Variants in MKNK1 observed in about 807,000 individuals in gnomAD.
The protein encoded by MKNK1 is MAP kinase-interacting serine/threonine-protein kinase 1.
A neutral mutation model predicts 49.3 loss-of-function variants in MKNK1; 30 were observed. The observed-to-expected ratio is 0.61, with a 90% confidence interval of 0.46 to 0.83. The LOEUF (loss-of-function observed/expected upper bound fraction) is 0.83, where lower values mean the gene tolerates loss of function less well. Ranked by LOEUF, MKNK1 falls within the 40% of genes least tolerant of loss-of-function variation. MKNK1 has a pLI of 0.00. For synonymous variants in MKNK1, 176 were observed against 201.7 expected, an observed-to-expected ratio of 0.87 and a Z score of 1.08; for missense variants, 423 against 524.7, an observed-to-expected ratio of 0.81 and a Z score of 1.89.
intron 9 of MKNK1, 66 bp downstream of exon 9, chr1:46,564,974 TG>T: frequency 6.8e-7 from 1 of 1,476,364 alleles, no homozygotes; most frequent in Non-Finnish European, 9.5e-7. Context: ...CCCTCTGTTC[TG>T]GACCTCCCAG....
At chr1:46,560,174 C>A in intron 12 of MKNK1, 60 bp downstream of exon 12, 1 of 1,593,704 alleles carries the variant, frequency 6.3e-7, no homozygotes, top group Non-Finnish European at 8.6e-7. Flanking sequence ...CCGGCCCCCA[C>A]CCCCATGGTG....
At chr1:46,582,686 CAGAG>C (rs1164492948) in intron 3 of MKNK1, 2 of 362,170 alleles carry the variant, frequency 5.5e-6, no homozygotes, top group Non-Finnish European at 1.1e-5. Context: ...GCCTCGCACA[CAGAG>C]AGTGTCAAAA....
In MKNK1 at chr1:46,583,238, T is replaced by C; in HGVS notation, c.90A>G (p.Gly30=). The change falls in exon 3 of 13, where the codon GGA becomes GGG. Residue 30 remains glycine, a synonymous_variant. Coordinates refer to ENST00000371945, the MANE Select transcript of MKNK1 (RefSeq NM_001135553.4). ...RRGRATDSLP[G]KFEDMYKLTS... ...AGTTGTGTGACCAACCTTCAAACTT[T>C]CCTGGCAAGGAGTCAGTGGCCCGGC... is the stretch of plus-strand genomic sequence containing the variant. 2 of 1,613,916 alleles carry C rather than the reference T, an allele frequency of 1.2e-6. No individual in the cohort carries two copies. Among genetic ancestry groups the C allele is most frequent in the Non-Finnish European group, 1.7e-6 (2 of 1,179,938 alleles).
intron 6 of MKNK1, chr1:46,574,406 G>GTGA (rs1670649995): frequency 6.6e-6 from 1 of 152,376 alleles, no homozygotes; most frequent in African/African-American, 2.4e-5. Flanking sequence ...GATTGGGGGA[G>GTGA]TGATGGGAAG....
chr1:46,581,029 C>G (rs556826406), intron 3 of MKNK1, among the ~76,000 whole-genome samples: 2 of 152,036 alleles, frequency 1.3e-5, no homozygotes, highest in Non-Finnish European at 2.9e-5. Context: ...CAGAACCAAT[C>G]TGGCCAACAT....
At chr1:46,582,883 C>T (rs1040541036) in intron 3 of MKNK1, 2 of 497,270 alleles carry the variant, frequency 4.0e-6, no homozygotes, top group Non-Finnish European at 7.9e-6. Flanking sequence ...AGTTCTATCT[C>T]TCAGCAGCCC....
rs61216524 is a variant in MKNK1, at chr1:46,574,776, C to T, written c.352+171G>A. ...GTGACATTCTAAGCTCTGCAAAATG[C>T]TAATTATCATCCTTCCCTCCGGCCT... On this transcript the variant is annotated intron_variant, in intron 6 of 12. Transcript: ENST00000371945. 964 of 575,758 alleles carry T rather than the reference C, an allele frequency of 1.7e-3. 8 individuals are homozygous for T. Among genetic ancestry groups the T allele is most frequent in the African/African-American group, 0.016 (878 of 53,270 alleles). 35.7% of individuals were successfully genotyped at this position (575,758 alleles called of 1,614,324 possible).
intron 12 of MKNK1, among the ~76,000 whole-genome samples, chr1:46,559,147 C>T (rs1200869370): frequency 3.3e-5 from 5 of 152,188 alleles, no homozygotes; most frequent in African/African-American, 7.2e-5. Context: ...TCCCAGCCTG[C>T]GTGGGGAAAA....
chr1:46,578,234 T>A (rs998417982), intron 4 of MKNK1, among the ~76,000 whole-genome samples: 1 of 152,210 alleles, frequency 6.6e-6, no homozygotes, highest in Non-Finnish European at 1.5e-5. Flanking sequence ...AATTCAGGGT[T>A]ATCTTGAAAT....
chr1:46,593,154 T>C (rs1333076472), intron 2 of MKNK1, among the ~76,000 whole-genome samples: 1 of 152,190 alleles, frequency 6.6e-6, no homozygotes, highest in African/African-American at 2.4e-5. Flanking sequence ...AATGTCATCA[T>C]ATATATCATA....
chr1:46,579,076 C>A (rs957302383), intron 4 of MKNK1, among the ~76,000 whole-genome samples: 2 of 152,108 alleles, frequency 1.3e-5, no homozygotes, highest in South Asian at 4.1e-4. Flanking sequence ...TACACTTAGG[C>A]GTATGTTTTA....
rs761480569 is a variant in MKNK1, at chr1:46,583,270, GCTT to G, written c.55_57del (p.Lys19del). The stretch of plus-strand genomic sequence containing the variant: ...AAGGAGTCAGTGGCCCGGCCCCTCC[GCTT>G]CTTCTTCCTCCTCCTGTCACCATCT... On this transcript the variant is annotated inframe_deletion, in exon 3 of 13. Transcript: ENST00000371945. The G allele has an allele frequency of 1.5e-5, 24 of 1,613,884 alleles. No individual in the cohort carries two copies. The Admixed American group carries it at 3.2e-4, about 21-fold the overall frequency.
intron 4 of MKNK1, among the ~76,000 whole-genome samples, chr1:46,580,144 T>C (rs1671523036): frequency 6.6e-6 from 1 of 152,224 alleles, no homozygotes; most frequent in Admixed American, 6.5e-5. Context: ...CAGTTATAGT[T>C]TGTCAAAATA....
chr1:46,572,399 T>A, intron 6 of MKNK1: 6 of 342,732 alleles, frequency 1.8e-5, no homozygotes, highest in South Asian at 1.5e-4. Context: ...TTTTTTTTTT[T>A]AGTAGAGATG....
chr1:46,568,861 G>A, intron 7 of MKNK1: 1 of 200,156 alleles, frequency 5.0e-6, no homozygotes, highest in Non-Finnish European at 1.0e-5. Flanking sequence ...GAAATAATTA[G>A]TGCCTTGTTT....
At chr1:46,584,489 GTTTT>G (rs80260800) in intron 2 of MKNK1, 88 of 137,746 alleles carry the variant, frequency 6.4e-4, no homozygotes, top group African/African-American at 2.2e-3. Context: ...GGTTGTTGGT[GTTTT>G]TTTTTTTTTT....
At chr1:46,580,458 T>C (rs751033760) in intron 4 of MKNK1, 72 bp downstream of exon 4, 1 of 1,046,214 alleles carries the variant, frequency 9.6e-7, no homozygotes, top group Non-Finnish European at 1.5e-6. Flanking sequence ...GAATATAACA[T>C]TTATTTGGTT....
At chr1:46,571,638 GAGAC>G (rs1670161585) in intron 7 of MKNK1, 3 of 354,782 alleles carry the variant, frequency 8.5e-6, no homozygotes, top group East Asian at 8.3e-5. Flanking sequence ...ATTTTGAAAA[GAGAC>G]AGAGGTGATG....
intron 2 of MKNK1, among the ~76,000 whole-genome samples, chr1:46,584,235 G>A (rs1407993329): frequency 6.6e-6 from 1 of 152,220 alleles, no homozygotes; most frequent in Non-Finnish European, 1.5e-5. Flanking sequence ...AGACACTCTA[G>A]TATGGGCCTT....
Sources: allele counts gnomAD v4.1 joint callset (sites outside exome capture counted in the v4.1 genomes callset), GRCh38; gene constraint gnomAD v4.1.1; transcripts MANE v1.5; gene names NCBI Gene and HGNC (gene_info 2026-07-23, HGNC 2026-07-21).